ERBB4: variants seen among roughly 807,000 people sequenced by gnomAD.
ERBB4 encodes the protein receptor tyrosine-protein kinase erbB-4.
ERBB4 carries 42 observed loss-of-function variants against 158.0 expected under a neutral mutation model. That is an observed-to-expected ratio of 0.27 (90% CI 0.21 to 0.34). The LOEUF (loss-of-function observed/expected upper bound fraction) is 0.34, where lower values mean the gene tolerates loss of function less well. Ranked by LOEUF, ERBB4 falls within the 10% of genes least tolerant of loss-of-function variation. ERBB4 has a pLI of 1.00. For synonymous variants in ERBB4, 583 were observed against 558.7 expected, an observed-to-expected ratio of 1.04 and a Z score of -0.61; for missense variants, 1,333 against 1,624.1, an observed-to-expected ratio of 0.82 and a Z score of 3.08.
At chr2:211,799,578 C>T (rs2076454791) in intron 3 of ERBB4, among the ~76,000 whole-genome samples, 1 of 152,096 alleles carries the variant, frequency 6.6e-6, no homozygotes, top group African/African-American at 2.4e-5. Context: ...CATAGAGCAA[C>T]AGCCTTTCAG....
chr2:211,867,770 T>C (rs2078245720), intron 3 of ERBB4, among the ~76,000 whole-genome samples: 1 of 152,186 alleles, frequency 6.6e-6, no homozygotes, highest in South Asian at 2.1e-4. Flanking sequence ...AGACTAAATC[T>C]TTGTGGAACA....
intron 2 of ERBB4, among the ~76,000 whole-genome samples, chr2:211,962,678 A>T (rs2081210382): frequency 6.6e-6 from 1 of 152,168 alleles, no homozygotes; most frequent in Admixed American, 6.6e-5. Flanking sequence ...CAGGCAAGAG[A>T]TGCGGAAGGC....
At chr2:211,991,880 T>A (rs1024405105) in intron 2 of ERBB4, among the ~76,000 whole-genome samples, 1 of 152,104 alleles carries the variant, frequency 6.6e-6, no homozygotes, top group Admixed American at 6.6e-5. Flanking sequence ...TACAATGGGG[T>A]GACACAGTAA....
At chr2:212,224,238 T>C (rs1022184449) in intron 1 of ERBB4, among the ~76,000 whole-genome samples, 1 of 151,950 alleles carries the variant, frequency 6.6e-6, no homozygotes, top group Non-Finnish European at 1.5e-5. Flanking sequence ...TGAACTTCAT[T>C]GTTCCAAGAC....
intron 1 of ERBB4, among the ~76,000 whole-genome samples, chr2:212,185,029 T>TTTC (rs1559682817): frequency 1.4e-5 from 2 of 142,782 alleles, no homozygotes; most frequent in Non-Finnish European, 1.6e-5. Context: ...TTCTTTTTTT[T>TTTC]TTTTCTTTTG....
At chr2:211,621,208 CT>C (rs961915225) in intron 18 of ERBB4, among the ~76,000 whole-genome samples, 24 of 150,690 alleles carry the variant, frequency 1.6e-4, no homozygotes, top group South Asian at 4.2e-4. Flanking sequence ...TTAAATTATT[CT>C]TTTTTTTTCA....
chr2:212,005,976 T>A (rs1568508), intron 2 of ERBB4, among the ~76,000 whole-genome samples: 135,115 of 152,102 alleles, frequency 0.89, 61,969 homozygotes, highest in East Asian at 1. Context: ...ATTGCAAAAA[T>A]TTGCTTCTAT....
rs561276094 is a variant in ERBB4 at position 211,795,351 on chromosome 2, T to C, written c.422-7192A>G. ...TTGCTCAATTCTGTGATGGGTTTAT[T>C]GTACTCACGGTATCTGTCGCATAGT... On this transcript the variant is annotated intron_variant, in intron 3 of 27. Coordinates refer to ENST00000342788, the MANE Select transcript of ERBB4 (RefSeq NM_005235.3). Among the ~76,000 whole-genome samples, 38 of 151,992 alleles carry C rather than the reference T, an allele frequency of 2.5e-4. 1 individual carries two copies. The highest frequency in any genetic ancestry group is 2.1e-3 in the South Asian group (10 of 4,826).
chr2:212,495,278 C>T (rs1006624213), intron 1 of ERBB4, among the ~76,000 whole-genome samples: 1 of 152,140 alleles, frequency 6.6e-6, no homozygotes, highest in African/African-American at 2.4e-5. Flanking sequence ...CCCTGTCTCT[C>T]ACCCATGTGC....
intron 1 of ERBB4, among the ~76,000 whole-genome samples, chr2:212,475,329 G>A (rs1689332605): frequency 6.6e-6 from 1 of 152,038 alleles, no homozygotes; most frequent in African/African-American, 2.4e-5. Context: ...CTTGCACGAG[G>A]CCCTGCAAAT....
intron 19 of ERBB4, among the ~76,000 whole-genome samples, chr2:211,589,668 T>C (rs1390495761): frequency 1.3e-5 from 2 of 152,134 alleles, no homozygotes; most frequent in Non-Finnish European, 1.5e-5. Context: ...TCAAAACGAA[T>C]AGCTAATTTT....
chr2:211,666,730 T>C (rs753661194), intron 14 of ERBB4, among the ~76,000 whole-genome samples: 4 of 152,196 alleles, frequency 2.6e-5, no homozygotes, highest in Non-Finnish European at 5.9e-5. Flanking sequence ...ATTCCTCTCC[T>C]CTTTGACCAC....
chr2:212,088,420 G>T (rs2078678246), intron 2 of ERBB4, among the ~76,000 whole-genome samples: 1 of 152,096 alleles, frequency 6.6e-6, no homozygotes, highest in South Asian at 2.1e-4. Flanking sequence ...AAAATGGATT[G>T]TCTATCACAT....
At chr2:211,399,835 C>T (rs3791691) in intron 25 of ERBB4, among the ~76,000 whole-genome samples, 34,717 of 151,874 alleles carry the variant, frequency 0.23, 4,319 homozygotes, top group South Asian at 0.45. Context: ...AACTTGTTAA[C>T]TAAGAACAAT....
intron 1 of ERBB4, among the ~76,000 whole-genome samples, chr2:212,345,265 C>CAAAAAAAAAAAGAAAAAAAAAAAAAAAA (rs2088936865): frequency 1.3e-5 from 1 of 77,718 alleles, no homozygotes; most frequent in Admixed American, 1.3e-4. Flanking sequence ...GACTCCGTCT[C>CAAAAAAAAAAAGAAAAAAAAAAAAAAAA]AAAAAAAAAA....
intron 2 of ERBB4, among the ~76,000 whole-genome samples, chr2:211,994,271 C>G (rs537618571): frequency 6.6e-6 from 1 of 151,810 alleles, no homozygotes; most frequent in South Asian, 2.1e-4. Flanking sequence ...CCTAGGATGA[C>G]AGACACATGC....
intron 1 of ERBB4, among the ~76,000 whole-genome samples, chr2:212,466,582 C>T (rs770388918): frequency 1.3e-5 from 2 of 152,182 alleles, no homozygotes; most frequent in Non-Finnish European, 2.9e-5. Flanking sequence ...TGACTTGCTC[C>T]TACTTGCCTT....
intron 2 of ERBB4, among the ~76,000 whole-genome samples, chr2:212,087,224 A>C (rs1210216618): frequency 6.6e-6 from 1 of 151,888 alleles, no homozygotes; most frequent in Non-Finnish European, 1.5e-5. Flanking sequence ...ACCAAACTAA[A>C]CTTCACTAAA....
At chr2:212,378,367 A>C (rs1172823401) in intron 1 of ERBB4, among the ~76,000 whole-genome samples, 2 of 151,900 alleles carry the variant, frequency 1.3e-5, no homozygotes, top group South Asian at 4.1e-4. Flanking sequence ...TGCATTGAGC[A>C]TTAAAATAAC....
Sources: allele counts gnomAD v4.1 joint callset (sites outside exome capture counted in the v4.1 genomes callset), GRCh38; gene constraint gnomAD v4.1.1; transcripts MANE v1.5; gene names NCBI Gene and HGNC (gene_info 2026-07-23, HGNC 2026-07-21).